TMUB2: variants seen among roughly 807,000 people sequenced by gnomAD.
The protein encoded by TMUB2 is transmembrane and ubiquitin-like domain-containing protein 2.
A neutral mutation model predicts 20.2 loss-of-function variants in TMUB2; 19 were observed. The observed-to-expected ratio is 0.94, with a 90% CI of 0.66 to 1.38. The LOEUF (loss-of-function observed/expected upper bound fraction) is 1.38. Ranked by LOEUF, TMUB2 falls within the 40% of genes most tolerant of loss-of-function variation. The pLI is 0.00. For missense variants in TMUB2, 426 were observed against 402.5 expected (o/e 1.06, Z -0.50); for synonymous variants, 186 against 166.0 (o/e 1.12, Z -0.92).
At chr17:44,188,731 A>G in intron 2 of TMUB2, 1 of 335,500 alleles carries the variant, frequency 3.0e-6, no homozygotes, top group East Asian at 5.1e-5. Flanking sequence ...TAGCAGCAGC[A>G]GCAAGGCTGT....
Position 44,189,333 on chromosome 17 carries a change from G to T in TMUB2, c.347G>T (p.Gly116Val), listed in dbSNP as rs576994295. 6 of 1,592,804 alleles carry T rather than the reference G, an allele frequency of 3.8e-6. No homozygotes were observed. The African/African-American group carries it at 8.0e-5, about 21-fold the overall frequency. Reference protein sequence around the residue: ...NDEKAEEAGEGRGDSTGEAGA... With the variant: ...NDEKAEEAGEVRGDSTGEAGA... Reference sequence around the variant, plus strand: ...GAGAAGGCTGAAGAGGCGGGTGAAGGTCGGGGAGACTCCACTGGGGAGGCT... The same window carrying T: ...GAGAAGGCTGAAGAGGCGGGTGAAGTTCGGGGAGACTCCACTGGGGAGGCT... The change falls in exon 3 of 4, where the codon GGT (glycine) becomes GTT (valine). Residue 116 changes from glycine to valine, a missense_variant. Transcript: ENST00000538716.
intron 2 of TMUB2, among the ~76,000 whole-genome samples, chr17:44,188,495 T>A (rs1358663445): frequency 6.6e-6 from 1 of 152,198 alleles, no homozygotes; most frequent in Non-Finnish European, 1.5e-5. Context: ...GCAGCCTGGA[T>A]CTGTGACCAG....
In TMUB2 at chr17:44,189,154, C is replaced by G; in HGVS notation, c.168C>G (p.Thr56=). 1 of 1,614,150 alleles carries G rather than the reference C, an allele frequency of 6.2e-7. No homozygotes were observed. The highest frequency in any genetic ancestry group is 1.3e-5 in the African/African-American group (1 of 75,026). ...ILALVLAWLS[T]YVADSGSNQL... is the part of the protein sequence containing the mutation. ...CCTTGGTCCTAGCTTGGCTCTCTACCTACGTAGCAGACAGCGGTAGCAACC... is the reference window on the plus strand; with the variant it reads ...CCTTGGTCCTAGCTTGGCTCTCTACGTACGTAGCAGACAGCGGTAGCAACC... The change falls in exon 3 of 4, where the codon ACC becomes ACG. Residue 56 remains threonine (T), a synonymous_variant. Transcript: ENST00000538716.
At position 44,190,689 on chromosome 17, in the gene TMUB2, C is replaced by G. The variant is rs756452048; in HGVS notation, c.791C>G (p.Pro264Arg). 7 of 1,614,226 alleles carry G rather than the reference C, an allele frequency of 4.3e-6. No homozygotes were observed. The highest frequency in any genetic ancestry group is 5.9e-6 in the Non-Finnish European group (7 of 1,180,044). The change falls in exon 4 of 4, where the codon CCC becomes CGC. Residue 264 changes from proline to arginine, a missense_variant. Physicochemically the swap from Pro to Arg is moderately radical, Grantham distance 103. Transcript: ENST00000538716. ...TTGGCCCCCTCGGCCACTGAGCCAC[C>G]CAGCCTTGGTGTCAATGTGGGCAGC... ...ASLAPSATEP[P>R]SLGVNVGSLM...
At position 44,191,641 on chromosome 17, in the gene TMUB2, G is replaced by A; in HGVS notation, c.*777G>A. On this transcript the variant is annotated 3_prime_UTR_variant, in exon 4 of 4. Transcript: ENST00000538716. ...TACCCTGCCCAACTCCAAGGACTGG[G>A]TATGGATTGCTGGGCCCTAGGCTCT... 7.1e-6 allele frequency: 7 copies of A among 985,858 alleles called. No homozygotes were observed. Among genetic ancestry groups the A allele is most frequent in the Non-Finnish European group, 8.4e-6 (7 of 829,946 alleles). The allele number at this position is 985,858 out of a possible 1,614,324, so 61.1% of individuals were successfully genotyped here. A position where few individuals can be genotyped will look rare whatever the true frequency, so the allele number is the denominator to read the frequency against.
At chr17:44,190,223 CT>C (rs1364679119) in intron 3 of TMUB2, 8 of 306,842 alleles carry the variant, frequency 2.6e-5, no homozygotes, top group African/African-American at 1.7e-4. Flanking sequence ...TGGTGGCGCA[CT>C]CCTGTAGTCC....
chr17:44,189,345 C>T lies in TMUB2; in HGVS notation c.359C>T (p.Ser120Phe), dbSNP rs373074214. The T allele has an allele frequency of 2.5e-6, 4 of 1,600,028 alleles. No homozygotes were observed. The highest frequency in any genetic ancestry group is 1.7e-5 in the Admixed American group (1 of 59,280). ...GAGGCGGGTGAAGGTCGGGGAGACT[C>T]CACTGGGGAGGCTGGAGCTGGGGGT... ...AEEAGEGRGD[S>F]TGEAGAGGGV... Residue 120 changes from serine to phenylalanine, a missense_variant, in exon 3 of 4, where the codon TCC (serine) becomes TTC (phenylalanine). Physicochemically the swap from Ser to Phe is radical, Grantham distance 155. Coordinates refer to ENST00000538716, the MANE Select transcript of TMUB2 (RefSeq NM_001076674.3).
chr17:44,190,084 C>T (rs937141725), intron 3 of TMUB2: 4 of 169,886 alleles, frequency 2.4e-5, no homozygotes, highest in South Asian at 1.5e-4. Flanking sequence ...CGGTGGCTCA[C>T]GCCTGTAATC....
chr17:44,191,092 T>C lies in TMUB2; in HGVS notation c.*228T>C. 2 of 1,313,676 alleles carry C rather than the reference T, an allele frequency of 1.5e-6. No homozygotes were observed. Among genetic ancestry groups the C allele is most frequent in the Non-Finnish European group, 1.9e-6 (2 of 1,030,136 alleles). 81.4% of individuals were successfully genotyped at this position (1,313,676 alleles called of 1,614,324 possible). A position where few individuals can be genotyped will look rare whatever the true frequency, so the allele number is the denominator to read the frequency against. Reference sequence around the variant, plus strand: ...TCAGGTAGAAATGAGGATGTCATCTTCCTTCACTTTTAGGGTCCTCTGAAG... The same window carrying C: ...TCAGGTAGAAATGAGGATGTCATCTCCCTTCACTTTTAGGGTCCTCTGAAG... On this transcript the variant is annotated 3_prime_UTR_variant, in exon 4 of 4. Coordinates refer to ENST00000538716, the MANE Select transcript of TMUB2 (RefSeq NM_001076674.3).
At position 44,191,757 on chromosome 17, in the gene TMUB2, T is replaced by G; in HGVS notation, c.*893T>G. The G allele has an allele frequency of 1.0e-6, 1 of 985,294 alleles. No individual in the cohort carries two copies. The highest frequency in any genetic ancestry group is 1.1e-4 in the East Asian group (1 of 8,774). 61.0% of individuals were successfully genotyped at this position (985,294 alleles called of 1,614,324 possible). A position where few individuals can be genotyped will look rare whatever the true frequency, so the allele number is the denominator to read the frequency against. On this transcript the variant is annotated 3_prime_UTR_variant, in exon 4 of 4. Transcript: ENST00000538716. ...GCCTCTTTCTGTGACAGAGAATGGC[T>G]TTGCGCTGCCCCCAGGAAAATGGTA...
intron 2 of TMUB2, 97 bp downstream of exon 2, chr17:44,187,840 TTATA>T: frequency 1.4e-6 from 1 of 703,220 alleles, no homozygotes; most frequent in Non-Finnish European, 2.7e-6. Flanking sequence ...AAGACTGGGG[TTATA>T]ATTAGTTGTT....
Position 44,191,182 on chromosome 17 carries a change from G to T in TMUB2, c.*318G>T. On this transcript the variant is annotated 3_prime_UTR_variant, in exon 4 of 4. Transcript: ENST00000538716. ...GCTCTGAGATTCCCTCCCACCTGTG[G>T]TTCTGACTCTTCCCAGTGTCCTGCA... The T allele has an allele frequency of 1.8e-6, 2 of 1,114,574 alleles. No individual in the cohort carries two copies. The highest frequency in any genetic ancestry group is 2.2e-6 in the Non-Finnish European group (2 of 909,426). 69.0% of individuals were successfully genotyped at this position (1,114,574 alleles called of 1,614,324 possible). A position where few individuals can be genotyped will look rare whatever the true frequency, so the allele number is the denominator to read the frequency against.
In TMUB2 at chr17:44,189,149, T is replaced by A; in HGVS notation, c.163T>A (p.Ser55Thr). 6.2e-7 allele frequency: 1 copy of A among 1,614,142 alleles called. No homozygotes were observed. Among genetic ancestry groups the A allele is most frequent in the Non-Finnish European group, 8.5e-7 (1 of 1,180,040 alleles). ...LILALVLAWLSTYVADSGSNQ... is the reference protein window; with the variant it reads ...LILALVLAWLTTYVADSGSNQ... ...TCTAGCCTTGGTCCTAGCTTGGCTC[T>A]CTACCTACGTAGCAGACAGCGGTAG... The change falls in exon 3 of 4, where the codon TCT becomes ACT. Residue 55 changes from serine (S) to threonine (T), a missense_variant. By Grantham distance (58) the Ser-to-Thr change is moderately conservative. Coordinates refer to ENST00000538716, the MANE Select transcript of TMUB2 (RefSeq NM_001076674.3).
chr17:44,187,550 G>A (rs1311149361), intron 1 of TMUB2, 126 bp from the exon 2 acceptor site: 1 of 639,180 alleles, frequency 1.6e-6, no homozygotes, highest in African/African-American at 1.8e-5. Flanking sequence ...AATCGTTTTC[G>A]TCTTTCTTTG....
chr17:44,191,488 A>G lies in TMUB2; in HGVS notation c.*624A>G, dbSNP rs939894134. 1 of 985,864 alleles carries G rather than the reference A, an allele frequency of 1.0e-6. No homozygotes were observed. Among genetic ancestry groups the G allele is most frequent in the Non-Finnish European group, 1.2e-6 (1 of 830,050 alleles). 61.1% of individuals were successfully genotyped at this position (985,864 alleles called of 1,614,324 possible). A position where few individuals can be genotyped will look rare whatever the true frequency, so the allele number is the denominator to read the frequency against. ...TTATTTTTTTAAGAGTCCTTCATAG[A>G]GCTCAGTCAGGAAGGGGATGGGGCA... On this transcript the variant is annotated 3_prime_UTR_variant, in exon 4 of 4. Coordinates refer to ENST00000538716, the MANE Select transcript of TMUB2 (RefSeq NM_001076674.3).
intron 2 of TMUB2, 55 bp from the exon 3 acceptor site, chr17:44,188,967 G>T (rs2054912610): frequency 2.0e-6 from 3 of 1,519,864 alleles, no homozygotes; most frequent in South Asian, 2.6e-5. Context: ...ACAAACTAGA[G>T]ACCTGGTTGC....
In TMUB2 at chr17:44,190,545, A is replaced by C; in HGVS notation, c.647A>C (p.Gln216Pro). The C allele has an allele frequency of 6.2e-7, 1 of 1,613,078 alleles. No individual in the cohort carries two copies. Among genetic ancestry groups the C allele is most frequent in the Non-Finnish European group, 8.5e-7 (1 of 1,179,400 alleles). ...GQESQMKLIYQGRLLQDPART... is the reference protein window; with the variant it reads ...GQESQMKLIYPGRLLQDPART... ...GAAAGCCAGATGAAACTGATCTACC[A>C]GGGCCGCCTGCTACAAGACCCAGCC... Residue 216 changes from glutamine to proline, a missense_variant, in exon 4 of 4, where the codon CAG (glutamine) becomes CCG (proline). Transcript: ENST00000538716.
chr17:44,188,869 T>G, intron 2 of TMUB2, 153 bp from the exon 3 acceptor site: 2 of 1,326,756 alleles, frequency 1.5e-6, no homozygotes, highest in Non-Finnish European at 2.0e-6. Flanking sequence ...TAGGTTGGGG[T>G]GCCGGAATTA....
At position 44,190,651 on chromosome 17, in the gene TMUB2, C is replaced by T. The variant is rs773074427; in HGVS notation, c.753C>T (p.Gly251=). The T allele has an allele frequency of 2.5e-6, 4 of 1,614,132 alleles. No individual in the cohort carries two copies. The highest frequency in any genetic ancestry group is 2.2e-5 in the East Asian group (1 of 44,898). ...HRSPPGSAVP[G]PSASLAPSAT... ...CACCCCCAGGGTCAGCTGTTCCAGG[C>T]CCCTCAGCCTCCTTGGCCCCCTCGG... is the stretch of plus-strand genomic sequence containing the variant. The change falls in exon 4 of 4, where the codon GGC becomes GGT. Residue 251 remains glycine, a synonymous_variant. Coordinates refer to ENST00000538716, the MANE Select transcript of TMUB2 (RefSeq NM_001076674.3).
Sources: gnomAD v4.1 joint callset for allele counts (sites outside exome capture counted in the v4.1 genomes callset) on GRCh38, gnomAD v4.1.1 for gene constraint, MANE v1.5 for transcripts, NCBI Gene and HGNC (gene_info 2026-07-23, HGNC 2026-07-21) for gene names.